Variants in DCAF1 observed in about 807,000 individuals in gnomAD.
The protein encoded by DCAF1 is DDB1- and CUL4-associated factor 1.
A neutral mutation model predicts 128.0 loss-of-function variants in DCAF1; 15 were observed. That is an observed-to-expected ratio of 0.12 (90% CI 0.08 to 0.18). DCAF1 has a LOEUF of 0.18. Ranked by LOEUF, DCAF1 falls within the 10% of genes least tolerant of loss-of-function variation. The probability of loss-of-function intolerance (pLI) is 1.00; values close to 1 mark genes in which losing one functional copy is unlikely to be tolerated. For missense variants in DCAF1, 988 were observed against 1,649.5 expected (o/e 0.60, Z 6.95); for synonymous variants, 610 against 603.0 (o/e 1.01, Z -0.17).
chr3:51,442,797 GGAAGCT>G (rs1701484786), intron 7 of DCAF1, among the ~76,000 whole-genome samples: 1 of 152,158 alleles, frequency 6.6e-6, no homozygotes, highest in Non-Finnish European at 1.5e-5. Context: ...AAGGGCACTT[GGAAGCT>G]GTTATCCTCA....
At chr3:51,455,819 C>T (rs565325551) in intron 6 of DCAF1, among the ~76,000 whole-genome samples, 5 of 151,954 alleles carry the variant, frequency 3.3e-5, no homozygotes, top group Non-Finnish European at 7.4e-5. Context: ...ATCACTGGAA[C>T]CTGGGAGGCG....
rs782094402 is a variant in DCAF1, at chr3:51,420,772, T to C, written c.2198A>G (p.Asn733Ser). 1 of 1,614,048 alleles carries C rather than the reference T, an allele frequency of 6.2e-7. No homozygotes were observed. Among genetic ancestry groups the C allele is most frequent in the Non-Finnish European group, 8.5e-7 (1 of 1,179,904 alleles). The change falls in exon 15 of 25, where the codon AAC (asparagine) becomes AGC (serine). Residue 733 changes from asparagine to serine, a missense_variant. By Grantham distance (46) the Asn-to-Ser change is conservative. This residue lies in a region of DCAF1 where 76 missense variants were observed against 186.9 expected (regional missense o/e 0.41). Coordinates refer to ENST00000684031, the MANE Select transcript of DCAF1 (RefSeq NM_001387579.1). The surrounding 1 kb of genome is among the most constrained non-coding windows in gnomAD (Gnocchi z 6.5). The stretch of plus-strand genomic sequence containing the variant: ...TAAGGACAGGAGCACCTTGATGCCG[T>C]TGTTGGACTGAACCACATTCCACAT... ...AKMWNVVQSN[N>S]GIKVLLSLLS...
At chr3:51,498,693 C>G (rs1577350455) in intron 1 of DCAF1, among the ~76,000 whole-genome samples, 1 of 152,340 alleles carries the variant, frequency 6.6e-6, no homozygotes, top group African/African-American at 2.4e-5. Context: ...TCCCCAAATT[C>G]TCTATTATCT....
At chr3:51,499,583 C>T (rs1708620846) in intron 1 of DCAF1, among the ~76,000 whole-genome samples, 1 of 151,994 alleles carries the variant, frequency 6.6e-6, no homozygotes, top group South Asian at 2.1e-4. Context: ...GGGGCGGACA[C>T]ACCCCGCCCC....
chr3:51,413,903 G>A, intron 20 of DCAF1, 47 bp downstream of exon 20: 6 of 1,404,714 alleles, frequency 4.3e-6, no homozygotes, highest in Non-Finnish European at 5.6e-6. Flanking sequence ...ATTAAGTGAA[G>A]GGGTAGAGCA....
At chr3:51,455,889 C>T (rs566774861) in intron 6 of DCAF1, among the ~76,000 whole-genome samples, 9 of 151,932 alleles carry the variant, frequency 5.9e-5, no homozygotes, top group Non-Finnish European at 7.4e-5. Flanking sequence ...AAGAGCAAGA[C>T]TCTGTCTCAA....
intron 2 of DCAF1, among the ~76,000 whole-genome samples, chr3:51,491,518 G>A (rs1446009771): frequency 1.3e-5 from 2 of 151,910 alleles, no homozygotes; most frequent in African/African-American, 4.8e-5. Flanking sequence ...TTTCAACAAG[G>A]GTACCAAGAC....
At chr3:51,483,137 A>G (rs541832182) in intron 3 of DCAF1, among the ~76,000 whole-genome samples, 19 of 72,192 alleles carry the variant, frequency 2.6e-4, no homozygotes, top group African/African-American at 8.7e-4. Flanking sequence ...AAAACTCCGT[A>G]TGAAAAAAAA....
intron 24 of DCAF1, among the ~76,000 whole-genome samples, chr3:51,401,190 G>A (rs2089671471): frequency 6.6e-6 from 1 of 151,854 alleles, no homozygotes; most frequent in African/African-American, 2.4e-5. Flanking sequence ...CCTAGGGCCA[G>A]GGCTCTGCAT....
intron 9 of DCAF1, among the ~76,000 whole-genome samples, chr3:51,436,817 G>A (rs908223613): frequency 5.9e-5 from 9 of 152,144 alleles, no homozygotes; most frequent in African/African-American, 1.2e-4. Flanking sequence ...TAAAGAGACC[G>A]TTGGGTAGTT....
At chr3:51,425,472 C>T (rs1699820287) in intron 13 of DCAF1, among the ~76,000 whole-genome samples, 1 of 148,964 alleles carries the variant, frequency 6.7e-6, no homozygotes, top group African/African-American at 2.5e-5. Context: ...ACTCTGTCTC[C>T]AAAACCAACA....
chr3:51,437,266 CAAAAAAAAAAAAAAAA>C lies in DCAF1; in HGVS notation c.1128+3688_1128+3703del, dbSNP rs71633071. On this transcript the variant is annotated intron_variant, in intron 9 of 24. Transcript: ENST00000684031. ...CCAGGTGACAGATAAGACTCCATGT[CAAAAAAAAAAAAAAAA>C]AAAAAAAAGAAAGAAAGAGCAAGAA... The C allele has an allele frequency of 8.6e-5, 22 of 256,610 alleles. 1 individual carries two copies. Among genetic ancestry groups the C allele is most frequent in the Non-Finnish European group, 1.4e-4 (19 of 139,926 alleles). The allele number at this position is 256,610 out of a possible 1,614,324, so 15.9% of individuals were successfully genotyped here.
chr3:51,428,765 G>GCTCC (rs534682801), intron 12 of DCAF1, among the ~76,000 whole-genome samples: 166 of 152,148 alleles, frequency 1.1e-3, no homozygotes, highest in African/African-American at 4.0e-3. Context: ...AGGTCGAGGT[G>GCTCC]GGAGGACTGC....
chr3:51,488,924 C>T (rs1450362293), intron 2 of DCAF1, among the ~76,000 whole-genome samples: 1 of 152,152 alleles, frequency 6.6e-6, no homozygotes, highest in East Asian at 1.9e-4. Flanking sequence ...AAGATAGCAC[C>T]ACTGCATTCC....
At chr3:51,500,405 G>C (rs1042573486), upstream of DCAF1, among the ~76,000 whole-genome samples, 3 of 152,136 alleles carry the variant, frequency 2.0e-5, no homozygotes, top group Admixed American at 1.3e-4. Flanking sequence ...ACCTGTGTGC[G>C]CAAAGAGCCT....
chr3:51,452,258 G>A (rs1156777308), intron 6 of DCAF1, among the ~76,000 whole-genome samples: 1 of 151,994 alleles, frequency 6.6e-6, no homozygotes, highest in Non-Finnish European at 1.5e-5. Flanking sequence ...AGGTTATCCA[G>A]GCTGAATAAG....
chr3:51,482,820 AT>A (rs1164005795), intron 3 of DCAF1, among the ~76,000 whole-genome samples: 19 of 150,588 alleles, frequency 1.3e-4, no homozygotes, highest in African/African-American at 4.4e-4. Flanking sequence ...AATGAGTCTA[AT>A]TTTTTTTATT....
At chr3:51,501,264 G>C (rs1708793646), upstream of DCAF1, among the ~76,000 whole-genome samples, 1 of 152,160 alleles carries the variant, frequency 6.6e-6, no homozygotes, top group Admixed American at 6.6e-5. Context: ...ATTTCTTCAT[G>C]TTGTTGGGAA....
chr3:51,451,067 T>C (rs13100901), intron 6 of DCAF1, among the ~76,000 whole-genome samples: 374 of 105,684 alleles, frequency 3.5e-3, no homozygotes, highest in Non-Finnish European at 5.1e-3. Context: ...AAAAAGGAAA[T>C]TCTTTTTTTT....
Sources: gnomAD v4.1 joint callset for allele counts (sites outside exome capture counted in the v4.1 genomes callset) on GRCh38, gnomAD v4.1.1 for gene constraint, gnomAD v4.1.1 regional missense constraint, Gnocchi (gnomAD v3.1) non-coding constraint, MANE v1.5 for transcripts, NCBI Gene and HGNC (gene_info 2026-07-23, HGNC 2026-07-21) for gene names.